CMTM8: variants seen among roughly 807,000 people sequenced by gnomAD.
CMTM8 encodes CKLF-like MARVEL transmembrane domain-containing protein 8.
In CMTM8, 12 loss-of-function variants were observed where a neutral mutation model predicts 18.6. That is an observed-to-expected ratio of 0.65 (90% confidence interval 0.41 to 1.05). The LOEUF (loss-of-function observed/expected upper bound fraction) is 1.05. Ranked by LOEUF, CMTM8 falls within the 50% of genes least tolerant of loss-of-function variation. CMTM8 has a pLI of 0.00. For missense variants in CMTM8, 217 were observed against 227.2 expected (o/e 0.95, Z 0.29); for synonymous variants, 87 against 90.6 (o/e 0.96, Z 0.23).
intron 1 of CMTM8, chr3:32,258,990 CT>C: frequency 3.0e-6 from 1 of 332,472 alleles, no homozygotes; most frequent in South Asian, 3.0e-5. Context: ...AGTCCGTGGG[CT>C]CTGTCCAGGG....
At chr3:32,320,124 C>T (rs79293235) in intron 1 of CMTM8, among the ~76,000 whole-genome samples, 23 of 152,274 alleles carry the variant, frequency 1.5e-4, no homozygotes, top group African/African-American at 5.3e-4. Flanking sequence ...CATTTGAAAG[C>T]GTATTTGGTT....
chr3:32,367,829 A>T, intron 2 of CMTM8, 43 bp from the exon 3 acceptor site: 36 of 1,301,658 alleles, frequency 2.8e-5, no homozygotes, highest in Non-Finnish European at 3.8e-5. Context: ...AGGTATGCAG[A>T]CCCTCCCCTC....
Position 32,370,064 on chromosome 3 carries a change from CTAAT to C in CMTM8, c.*102_*105del. On this transcript the variant is annotated 3_prime_UTR_variant, in exon 4 of 4. Transcript: ENST00000307526. ...TATATTCCCAGAGAATTGTATTTAA[CTAAT>C]TAATGTTTTTTATATTCTTAAATTT... is the stretch of plus-strand genomic sequence containing the variant. 4 of 638,838 alleles carry C rather than the reference CTAAT, an allele frequency of 6.3e-6. No homozygotes were observed. The highest frequency in any genetic ancestry group is 1.0e-5 in the Non-Finnish European group (4 of 385,894). The allele number at this position is 638,838 out of a possible 1,614,324, so 39.6% of individuals were successfully genotyped here.
At chr3:32,339,745 T>C (rs942855227) in intron 1 of CMTM8, among the ~76,000 whole-genome samples, 1 of 152,120 alleles carries the variant, frequency 6.6e-6, no homozygotes, top group Non-Finnish European at 1.5e-5. Flanking sequence ...GGGCGGATCA[T>C]GAGGTCAGGA....
At chr3:32,255,980 G>C (rs994816225) in intron 1 of CMTM8, among the ~76,000 whole-genome samples, 11 of 152,078 alleles carry the variant, frequency 7.2e-5, no homozygotes, top group African/African-American at 2.4e-4. Flanking sequence ...CGCCTGCGTT[G>C]GCCTCCCAAA....
intron 1 of CMTM8, among the ~76,000 whole-genome samples, chr3:32,341,557 G>A (rs1160769974): frequency 2.0e-5 from 3 of 152,068 alleles, no homozygotes; most frequent in South Asian, 4.1e-4. Flanking sequence ...AATTACTTAC[G>A]GCATGATGTT....
chr3:32,349,611 G>T (rs1696665156), intron 1 of CMTM8, among the ~76,000 whole-genome samples: 1 of 152,152 alleles, frequency 6.6e-6, no homozygotes, highest in Non-Finnish European at 1.5e-5. Context: ...TTAAGAGTGG[G>T]GAGGTGGAGC....
chr3:32,253,689 TC>T (rs1702142779), intron 1 of CMTM8, among the ~76,000 whole-genome samples: 1 of 152,048 alleles, frequency 6.6e-6, no homozygotes, highest in Non-Finnish European at 1.5e-5. Flanking sequence ...TAATTTATTT[TC>T]ACCATGCATT....
At chr3:32,356,611 A>G (rs1378528690) in intron 1 of CMTM8, among the ~76,000 whole-genome samples, 1 of 152,198 alleles carries the variant, frequency 6.6e-6, no homozygotes, top group East Asian at 1.9e-4. Context: ...GCCGCTGTTC[A>G]TTCTCTCTTC....
chr3:32,347,403 A>G (rs1192898272), intron 1 of CMTM8, among the ~76,000 whole-genome samples: 2 of 150,288 alleles, frequency 1.3e-5, no homozygotes, highest in Non-Finnish European at 2.9e-5. Flanking sequence ...GGGCTGGACT[A>G]TTTACAGGCC....
intron 2 of CMTM8, among the ~76,000 whole-genome samples, chr3:32,360,950 C>CA (rs1459248207): frequency 1.3e-5 from 2 of 152,144 alleles, no homozygotes; most frequent in Non-Finnish European, 2.9e-5. Flanking sequence ...ATCTCTGAGT[C>CA]AAAACCTTTG....
intron 1 of CMTM8, among the ~76,000 whole-genome samples, chr3:32,292,158 A>G (rs1702789851): frequency 6.6e-6 from 1 of 152,186 alleles, no homozygotes; most frequent in Non-Finnish European, 1.5e-5. Flanking sequence ...GAATCCAGGT[A>G]TTCATGAGCT....
At chr3:32,291,036 C>T (rs1702770827) in intron 1 of CMTM8, among the ~76,000 whole-genome samples, 1 of 152,140 alleles carries the variant, frequency 6.6e-6, no homozygotes, top group Non-Finnish European at 1.5e-5. Context: ...GCGTGAACCG[C>T]TGTGCCTGGC....
intron 1 of CMTM8, among the ~76,000 whole-genome samples, chr3:32,342,177 G>T (rs1234863371): frequency 6.6e-6 from 1 of 152,188 alleles, no homozygotes; most frequent in Non-Finnish European, 1.5e-5. Context: ...GAACCCAGGA[G>T]GCGGAGGTTG....
intron 1 of CMTM8, among the ~76,000 whole-genome samples, chr3:32,315,125 C>CTT (rs199887965): frequency 1.1e-3 from 162 of 143,908 alleles, no homozygotes; most frequent in African/African-American, 3.2e-3. Context: ...TCTTCTTCTT[C>CTT]TTCTTTTTTT....
chr3:32,330,904 G>C (rs11706397), intron 1 of CMTM8, among the ~76,000 whole-genome samples: 53,828 of 152,010 alleles, frequency 0.35, 9,873 homozygotes, highest in Non-Finnish European at 0.41. Context: ...AATGAGAAAA[G>C]CTTCATGACA....
In CMTM8 at chr3:32,290,368, A is replaced by G. The variant is rs974832066; in HGVS notation, c.147+51249A>G. Among the ~76,000 whole-genome samples, 7 of 152,358 alleles carry G rather than the reference A, an allele frequency of 4.6e-5. No individual in the cohort carries two copies. In the East Asian group the frequency reaches 1.3e-3, roughly 29 times the overall value. On this transcript the variant is annotated intron_variant, in intron 1 of 3. Transcript: ENST00000307526. The stretch of plus-strand genomic sequence containing the variant: ...AAGATCTAAATAAATGGGAAGCTGT[A>G]CCATTTTCATGAATGGGAAGCATCA...
chr3:32,359,991 T>A (rs1696892216), intron 2 of CMTM8, among the ~76,000 whole-genome samples: 1 of 152,128 alleles, frequency 6.6e-6, no homozygotes, highest in African/African-American at 2.4e-5. Context: ...GCCTGAGCGG[T>A]AGGTAGGAAC....
chr3:32,346,814 C>CTTTTT (rs34230571), intron 1 of CMTM8, among the ~76,000 whole-genome samples: 2 of 131,458 alleles, frequency 1.5e-5, no homozygotes, highest in Non-Finnish European at 1.7e-5. Context: ...TGTTATAATT[C>CTTTTT]TTTTTTTTTT....
Sources: allele counts gnomAD v4.1 joint callset (sites outside exome capture counted in the v4.1 genomes callset), GRCh38; gene constraint gnomAD v4.1.1; transcripts MANE v1.5; gene names NCBI Gene and HGNC (gene_info 2026-07-23, HGNC 2026-07-21).